The following BBIP1 variants were observed in gnomAD, a reference collection of about 807,000 sequenced individuals.
BBIP1 encodes BBSome interacting protein 1.
Under a neutral mutation model 8.9 loss-of-function variants are expected in BBIP1, and 6 were observed. The ratio of observed to expected loss-of-function variants is 0.67; its 90% CI spans 0.37 to 1.33. The LOEUF (loss-of-function observed/expected upper bound fraction) is 1.33, where lower values mean the gene tolerates loss of function less well. BBIP1 is among the 40% of genes most tolerant of loss of function. The pLI, the probability that BBIP1 is intolerant of heterozygous loss-of-function variation, is 0.02. For synonymous variants in BBIP1, 32 were observed against 33.4 expected, an observed-to-expected ratio of 0.96 and a Z score of 0.14; for missense variants, 111 against 109.2, an observed-to-expected ratio of 1.02 and a Z score of -0.07.
At chr10:110,918,935 G>A (rs2134056750) in intron 1 of BBIP1, 186 bp downstream of exon 1, 1 of 152,408 alleles carries the variant, frequency 6.6e-6, no homozygotes, top group East Asian at 1.9e-4. Flanking sequence ...CAATTCGGAA[G>A]TGCCAAATGC....
In BBIP1 at chr10:110,900,758, T is replaced by C. The variant is rs187757526; in HGVS notation, c.113-232A>G. ...AAGTTTTGAGCGTTCTACCCAAGAATCTATGCTACCATAAGACACAACTTT... is the reference window on the plus strand; with the variant it reads ...AAGTTTTGAGCGTTCTACCCAAGAACCTATGCTACCATAAGACACAACTTT... On this transcript the variant is annotated intron_variant, in intron 3 of 3. Transcript: ENST00000448814. 536 of 442,840 alleles carry C rather than the reference T, an allele frequency of 1.2e-3. 2 individuals carry two copies. Among genetic ancestry groups the C allele is most frequent in the African/African-American group, 0.01 (494 of 49,288 alleles). The allele number at this position is 442,840 out of a possible 1,614,324, so 27.4% of individuals were successfully genotyped here. A position where few individuals can be genotyped will look rare whatever the true frequency, so the allele number is the denominator to read the frequency against.
intron 2 of BBIP1, among the ~76,000 whole-genome samples, chr10:110,913,678 A>G (rs1011736908): frequency 6.6e-6 from 1 of 152,234 alleles, no homozygotes; most frequent in African/African-American, 2.4e-5. Flanking sequence ...ATCTACCTTG[A>G]ATTTTTGATG....
At chr10:110,917,622 C>T (rs1197379866) in intron 2 of BBIP1, among the ~76,000 whole-genome samples, 1 of 152,158 alleles carries the variant, frequency 6.6e-6, no homozygotes, top group Non-Finnish European at 1.5e-5. Flanking sequence ...AGCAGGCGCT[C>T]AGCTGAATTT....
intron 2 of BBIP1, 137 bp downstream of exon 2, chr10:110,917,984 C>T (rs1846464579): frequency 1.4e-6 from 1 of 721,146 alleles, no homozygotes; most frequent in African/African-American, 1.8e-5. Context: ...CAACAGATTT[C>T]AGTAATTAAC....
At position 110,911,925 on chromosome 10, in the gene BBIP1, A is replaced by AAC. The variant is rs1464904355; in HGVS notation, c.37+6194_37+6195dup. 4 of 152,332 alleles carry AAC rather than the reference A, an allele frequency of 2.6e-5. No homozygotes were observed. In the East Asian group the frequency reaches 7.7e-4, roughly 29 times the overall value. The allele number at this position is 152,332 out of a possible 1,614,324, so 9.4% of individuals were successfully genotyped here. The stretch of plus-strand genomic sequence containing the variant: ...TGCAGAAGCCAACAAAGGCTGAAGT[A>AAC]ACATACAATCTTCAATTTCTACTGA... On this transcript the variant is annotated intron_variant, in intron 2 of 3. Coordinates refer to ENST00000448814, the MANE Select transcript of BBIP1 (RefSeq NM_001195305.3).
intron 2 of BBIP1, among the ~76,000 whole-genome samples, chr10:110,912,425 A>G (rs1359080318): frequency 6.6e-6 from 1 of 152,136 alleles, no homozygotes; most frequent in African/African-American, 2.4e-5. Flanking sequence ...AGCTTATATC[A>G]CAACTCATGA....
intron 2 of BBIP1, among the ~76,000 whole-genome samples, chr10:110,916,893 G>C (rs1846417422): frequency 1.3e-5 from 2 of 152,218 alleles, no homozygotes; most frequent in South Asian, 4.1e-4. Flanking sequence ...ACACTGGAGA[G>C]GGGTAAGCAT....
At position 110,898,746 on chromosome 10, in the gene BBIP1, CTTTA is replaced by C. The variant is rs1268710457; in HGVS notation, c.*1610_*1613del. 1.3e-5 allele frequency: 2 copies of C among 152,510 alleles called. No individual in the cohort carries two copies. The highest frequency in any genetic ancestry group is 4.8e-5 in the African/African-American group (2 of 41,408). The allele number at this position is 152,510 out of a possible 1,614,324, so 9.4% of individuals were successfully genotyped here. A position where few individuals can be genotyped will look rare whatever the true frequency, so the allele number is the denominator to read the frequency against. ...TAAAACATGTGAAGCAGTATTGATT[CTTTA>C]TTGGGAGTACATTTTTTTAGGTCTC... On this transcript the variant is annotated 3_prime_UTR_variant, in exon 4 of 4. Coordinates refer to ENST00000448814, the MANE Select transcript of BBIP1 (RefSeq NM_001195305.3).
rs532647939 is a variant in BBIP1 at position 110,899,490 on chromosome 10, A to G, written c.*870T>C. ...AGCTTAGCTGACTACAGAATAGGTG[A>G]GGGTTTCTTAAAAATGAGATTTAAG... On this transcript the variant is annotated 3_prime_UTR_variant, in exon 4 of 4. Transcript: ENST00000448814. 68 of 152,298 alleles carry G rather than the reference A, an allele frequency of 4.5e-4. No individual in the cohort carries two copies. The highest frequency in any genetic ancestry group is 4.3e-3 in the Admixed American group (66 of 15,306). The allele number at this position is 152,298 out of a possible 1,614,324, so 9.4% of individuals were successfully genotyped here. A position where few individuals can be genotyped will look rare whatever the true frequency, so the allele number is the denominator to read the frequency against.
chr10:110,914,195 C>A (rs1025584749), intron 2 of BBIP1, among the ~76,000 whole-genome samples: 1 of 152,106 alleles, frequency 6.6e-6, no homozygotes, highest in Non-Finnish European at 1.5e-5. Context: ...AATACAATCT[C>A]TGGGAACTGA....
chr10:110,915,245 C>T (rs1846374341), intron 2 of BBIP1, among the ~76,000 whole-genome samples: 1 of 152,052 alleles, frequency 6.6e-6, no homozygotes, highest in Non-Finnish European at 1.5e-5. Context: ...CAGCCTTGAC[C>T]TTCTGGGCTC....
rs1345137187 is a variant in BBIP1 at position 110,899,381 on chromosome 10, C to A, written c.*979G>T. 1 of 152,152 alleles carries A rather than the reference C, an allele frequency of 6.6e-6. No homozygotes were observed. Among genetic ancestry groups the A allele is most frequent in the Non-Finnish European group, 1.5e-5 (1 of 68,022 alleles). The allele number at this position is 152,152 out of a possible 1,614,324, so 9.4% of individuals were successfully genotyped here. On this transcript the variant is annotated 3_prime_UTR_variant, in exon 4 of 4. Coordinates refer to ENST00000448814, the MANE Select transcript of BBIP1 (RefSeq NM_001195305.3). ...ATTACCTCAGCTTATATATAGTTAC[C>A]ATTTTTAGGTTTTTAATTGTTTGAC...
chr10:110,903,838 C>T (rs1846066013), intron 2 of BBIP1: 1 of 152,276 alleles, frequency 6.6e-6, no homozygotes. Flanking sequence ...GTACTGAATA[C>T]AGTAGACAAC....
At chr10:110,917,845 T>C (rs973314330) in intron 2 of BBIP1, 8 of 498,464 alleles carry the variant, frequency 1.6e-5, no homozygotes, top group African/African-American at 1.4e-4. Context: ...ATATATAACA[T>C]ACTGATTGTC....
At chr10:110,911,650 C>CACATATAT (rs1445363374) in intron 2 of BBIP1, 2 of 151,484 alleles carry the variant, frequency 1.3e-5, no homozygotes, top group African/African-American at 4.9e-5. Flanking sequence ...ATTGGGTACA[C>CACATATAT]ATATATATAT....
At chr10:110,901,376 T>C in intron 3 of BBIP1, 162 bp downstream of exon 3, 1 of 600,508 alleles carries the variant, frequency 1.7e-6, no homozygotes, top group Non-Finnish European at 3.0e-6. Flanking sequence ...TGTTATCCTT[T>C]TACTGGATGT....
At chr10:110,918,319 C>T in intron 1 of BBIP1, 106 bp from the exon 2 acceptor site, 1 of 620,532 alleles carries the variant, frequency 1.6e-6, no homozygotes, top group South Asian at 2.0e-5. Flanking sequence ...CTGCAGGAAT[C>T]CCACCACCAG....
Position 110,909,055 on chromosome 10 carries a change from A to T in BBIP1, c.38-7443T>A, listed in dbSNP as rs1355143161. Among the ~76,000 whole-genome samples the T allele has an allele frequency of 2.0e-5, 3 of 152,202 alleles. No homozygotes were observed. In the East Asian group the frequency reaches 5.8e-4, roughly 29 times the overall value. On this transcript the variant is annotated intron_variant, in intron 2 of 3. Coordinates refer to ENST00000448814, the MANE Select transcript of BBIP1 (RefSeq NM_001195305.3). ...AGCTAGGGAAAGACAAGATTTAAGT[A>T]AAAGCTGTGATGGGGTGGTGATTAA...
intron 2 of BBIP1, among the ~76,000 whole-genome samples, chr10:110,909,069 G>T (rs2134034552): frequency 6.6e-6 from 1 of 152,260 alleles, no homozygotes; most frequent in Non-Finnish European, 1.5e-5. Context: ...GCTGTGATGG[G>T]GTGGTGATTA....
Sources: gnomAD v4.1 joint callset for allele counts (sites outside exome capture counted in the v4.1 genomes callset) on GRCh38, gnomAD v4.1.1 for gene constraint, MANE v1.5 for transcripts, NCBI Gene and HGNC (gene_info 2026-07-23, HGNC 2026-07-21) for gene names.